Variants in ROS1 observed in about 807,000 individuals in gnomAD.
The protein encoded by ROS1 is ROS proto-oncogene 1, receptor tyrosine kinase.
ROS1 carries 263 observed loss-of-function variants against 273.5 expected under a neutral mutation model. The observed-to-expected ratio is 0.96, with a 90% confidence interval of 0.87 to 1.06. ROS1 has a LOEUF of 1.06. ROS1 is among the 50% of genes least tolerant of loss of function. The pLI is 0.00. For synonymous variants in ROS1, 1,008 were observed against 954.1 expected (o/e 1.06, Z -1.04); for missense variants, 2,833 against 2,751.1 (o/e 1.03, Z -0.67).
In ROS1 at chr6:117,409,603, C is replaced by T. The variant is rs1774733694; in HGVS notation, c.295G>A (p.Ala99Thr). 6.2e-7 allele frequency: 1 copy of T among 1,613,840 alleles called. No individual in the cohort carries two copies. The highest frequency in any genetic ancestry group is 8.5e-7 in the Non-Finnish European group (1 of 1,179,842). The change falls in exon 5 of 44, where the codon GCA becomes ACA. Residue 99 changes from alanine (A) to threonine (T), a missense_variant. Physicochemically the swap from Ala to Thr is moderately conservative, Grantham distance 58 (BLOSUM62 0). Coordinates refer to ENST00000368507, the MANE Select transcript of ROS1 (RefSeq NM_001378902.1). The stretch of plus-strand genomic sequence containing the variant: ...TTACCCAGTACTTCCTCTTCATATG[C>T]ACCTTCCGCGCTGCTACAGCCAACC... ...CEVGCSSAEG[A>T]YEEEVLENAD...
At chr6:117,310,650 G>C (rs1233374090) in intron 40 of ROS1, among the ~76,000 whole-genome samples, 1 of 152,024 alleles carries the variant, frequency 6.6e-6, no homozygotes, top group African/African-American at 2.4e-5. Flanking sequence ...TTGGTTTTCT[G>C]TTCCTGTGTT....
At chr6:117,404,650 A>G (rs1301351168) in intron 5 of ROS1, among the ~76,000 whole-genome samples, 1 of 152,192 alleles carries the variant, frequency 6.6e-6, no homozygotes, top group Non-Finnish European at 1.5e-5. Context: ...TTATCTTTGA[A>G]CACAGTATTT....
rs1340735325 is a variant in ROS1 at position 117,396,245 on chromosome 6, T to C, written c.826A>G (p.Asn276Asp). The change falls in exon 9 of 44, where the codon AAT becomes GAT. Residue 276 changes from asparagine (N) to aspartate (D), a missense_variant. By Grantham distance (23) the Asn-to-Asp change is conservative (BLOSUM62 1). Transcript: ENST00000368507. ...TIYRFSIAAV[N>D]EVGEGPEAES... Reference sequence around the variant, plus strand: ...GCTTCTGGACCCTCACCAACTTCATTTACTGCTGCAATAGAAAACCTATTC... The same window carrying C: ...GCTTCTGGACCCTCACCAACTTCATCTACTGCTGCAATAGAAAACCTATTC... 11 of 1,613,206 alleles carry C rather than the reference T, an allele frequency of 6.8e-6. No homozygotes were observed. The highest frequency in any genetic ancestry group is 9.3e-6 in the Non-Finnish European group (11 of 1,179,436).
At chr6:117,366,720 G>T (rs1780276562) in intron 18 of ROS1, among the ~76,000 whole-genome samples, 1 of 152,092 alleles carries the variant, frequency 6.6e-6, no homozygotes, top group Admixed American at 6.5e-5. Context: ...TCACATGTTG[G>T]CCAGGCTGGT....
chr6:117,403,188 C>T lies in ROS1; in HGVS notation c.555G>A (p.Leu185=), dbSNP rs2128724269. Residue 185 remains leucine (L), a synonymous_variant, in exon 7 of 44, where the codon CTG becomes CTA. Coordinates refer to ENST00000368507, the MANE Select transcript of ROS1 (RefSeq NM_001378902.1). ...TGGGACTTGGAGGGGAGTAGAGCTG[C>T]AGCTGCGCTGTGAAGATCCAAACCA... ...FRVVWIFTAQ[L]QLYSPPSPSY... The T allele has an allele frequency of 6.2e-7, 1 of 1,613,506 alleles. No homozygotes were observed. The highest frequency in any genetic ancestry group is 8.5e-7 in the Non-Finnish European group (1 of 1,179,822).
At chr6:117,417,399 T>A (rs1775417837) in intron 2 of ROS1, among the ~76,000 whole-genome samples, 1 of 152,144 alleles carries the variant, frequency 6.6e-6, no homozygotes, top group African/African-American at 2.4e-5. Flanking sequence ...CTAAAATCCA[T>A]CTGAGTTCAT....
intron 7 of ROS1, among the ~76,000 whole-genome samples, chr6:117,401,711 T>C (rs1368283512): frequency 6.6e-6 from 1 of 151,018 alleles, no homozygotes; most frequent in Non-Finnish European, 1.5e-5. Context: ...TATATAATAG[T>C]CCTTGATAAA....
In ROS1 at chr6:117,326,433, A is replaced by G. The variant is rs755128804; in HGVS notation, c.5349-19T>C. 3.6e-6 allele frequency: 5 copies of G among 1,407,422 alleles called. No individual in the cohort carries two copies. The highest frequency in any genetic ancestry group is 4.8e-6 in the Non-Finnish European group (5 of 1,039,220). The allele number at this position is 1,407,422 out of a possible 1,614,324, so 87.2% of individuals were successfully genotyped here. A position where few individuals can be genotyped will look rare whatever the true frequency, so the allele number is the denominator to read the frequency against. ...GCTCTTTCTGCAAAAAATAATAAATACAGAAAATATACATGACAATATACC... is the reference window on the plus strand; with the variant it reads ...GCTCTTTCTGCAAAAAATAATAAATGCAGAAAATATACATGACAATATACC... On this transcript the variant is annotated intron_variant, in intron 33 of 43. Transcript: ENST00000368507.
In ROS1 at chr6:117,321,345, T is replaced by A. The variant is rs779326076; in HGVS notation, c.5673A>T (p.Thr1891=). The change falls in exon 36 of 44, where the codon ACA becomes ACT. Residue 1891 remains threonine (T), a synonymous_variant. Transcript: ENST00000368507. The stretch of plus-strand genomic sequence containing the variant: ...ACTCTTTGTCTTCGTTTATAAGCAC[T>A]GTCACCCCTTCCTTGGCACTTTTTT... ...KNQKSAKEGV[T]VLINEDKELA... 3.1e-6 allele frequency: 5 copies of A among 1,613,680 alleles called. No individual in the cohort carries two copies. In the Admixed American group the frequency reaches 6.7e-5, roughly 22 times the overall value.
At chr6:117,339,368 A>G (rs1044612912) in intron 31 of ROS1, among the ~76,000 whole-genome samples, 6 of 152,118 alleles carry the variant, frequency 3.9e-5, no homozygotes, top group African/African-American at 1.4e-4. Context: ...TTTTTCAGAT[A>G]AGGAAATTTT....
intron 11 of ROS1, 26 bp from the exon 12 acceptor site, chr6:117,393,347 A>G (rs756643629): frequency 1.8e-5 from 24 of 1,350,818 alleles, no homozygotes; most frequent in Non-Finnish European, 2.5e-5. Context: ...ATATACCGGT[A>G]GGATTAGCAT....
At chr6:117,401,308 T>G (rs1224992628) in intron 7 of ROS1, among the ~76,000 whole-genome samples, 1 of 152,158 alleles carries the variant, frequency 6.6e-6, no homozygotes, top group Non-Finnish European at 1.5e-5. Flanking sequence ...TTTTAAAATT[T>G]GAACAAGTCC....
intron 21 of ROS1, among the ~76,000 whole-genome samples, chr6:117,364,597 C>T (rs1249671986): frequency 4.6e-5 from 7 of 152,150 alleles, no homozygotes; most frequent in Admixed American, 4.6e-4. Flanking sequence ...GTGTTTTGTA[C>T]ACTTTAAGGT....
intron 32 of ROS1, among the ~76,000 whole-genome samples, chr6:117,329,804 G>A (rs1328078777): frequency 6.6e-6 from 1 of 152,112 alleles, no homozygotes; most frequent in Non-Finnish European, 1.5e-5. Context: ...CTACCCAGCC[G>A]GGGAAATTGC....
intron 4 of ROS1, among the ~76,000 whole-genome samples, chr6:117,413,831 G>A (rs1775120852): frequency 6.6e-6 from 1 of 151,878 alleles, no homozygotes; most frequent in African/African-American, 2.4e-5. Flanking sequence ...AAAATACAAA[G>A]TTAGCCAGGC....
intron 33 of ROS1, chr6:117,328,895 C>G (rs2128591398): frequency 1.6e-6 from 1 of 612,146 alleles, no homozygotes; most frequent in Admixed American, 1.9e-5. Context: ...ATTTCAGAAC[C>G]TGACCTAATT....
rs1391390178 is a variant in ROS1, at chr6:117,288,005, G to C, written c.*487C>G. On this transcript the variant is annotated 3_prime_UTR_variant, in exon 44 of 44. Transcript: ENST00000368507. ...AGTGATTTCTCAAGTCACAGGTGCT[G>C]GTTTCTTCTGTATGTGTGAAATTAT... Among the ~76,000 whole-genome samples the C allele has an allele frequency of 1.3e-5, 2 of 152,116 alleles. No individual in the cohort carries two copies. The highest frequency in any genetic ancestry group is 2.9e-5 in the Non-Finnish European group (2 of 68,000).
chr6:117,384,509 G>A (rs1772407707), intron 16 of ROS1, among the ~76,000 whole-genome samples: 1 of 152,116 alleles, frequency 6.6e-6, no homozygotes, highest in Admixed American at 6.5e-5. Flanking sequence ...TCAACGCATT[G>A]GTAGTAGATA....
rs1438315109 is a variant in ROS1, at chr6:117,416,273, G to GT, written c.212dup (p.Asn71LysfsTer7). 4 of 1,593,964 alleles carry GT rather than the reference G, an allele frequency of 2.5e-6. No individual in the cohort carries two copies. The highest frequency in any genetic ancestry group is 3.4e-6 in the Non-Finnish European group (4 of 1,161,962). ...TAATACTTACACACTTTAAAGCACA[G>GT]TTTTTCTGATCTACAGAGTTCCAAA... On this transcript the variant is annotated frameshift_variant, in exon 3 of 44. Transcript: ENST00000368507. LOFTEE classifies it high-confidence loss of function.
Sources: gnomAD v4.1 joint callset for allele counts (sites outside exome capture counted in the v4.1 genomes callset) on GRCh38, gnomAD v4.1.1 for gene constraint, MANE v1.5 for transcripts, NCBI Gene and HGNC (gene_info 2026-07-23, HGNC 2026-07-21) for gene names.